Variants in SYT16 observed in about 807,000 individuals in gnomAD.
SYT16 encodes the protein synaptotagmin-16.
A neutral mutation model predicts 61.4 loss-of-function variants in SYT16; 42 were observed. That is an observed-to-expected ratio of 0.68 (90% CI 0.53 to 0.89). The LOEUF is 0.89. Among genes scored for constraint, SYT16 ranks in the 40% least tolerant of loss-of-function variants. SYT16 has a pLI of 0.00. For synonymous variants in SYT16, 314 were observed against 302.3 expected, an observed-to-expected ratio of 1.04 and a Z score of -0.40; for missense variants, 804 against 807.3, an observed-to-expected ratio of 1.00 and a Z score of 0.05.
chr14:61,818,328 T>C (rs981068923), intron 1 of SYT16, among the ~76,000 whole-genome samples: 2 of 152,194 alleles, frequency 1.3e-5, no homozygotes, highest in Non-Finnish European at 2.9e-5. Context: ...CCTCTGTGCA[T>C]ACTTCCCTCC....
chr14:61,874,768 A>ATTT (rs112967075), intron 1 of SYT16, among the ~76,000 whole-genome samples: 4 of 141,760 alleles, frequency 2.8e-5, no homozygotes, highest in African/African-American at 1.0e-4. Context: ...ATGCAGCAAG[A>ATTT]TTTTTTTTTT....
At chr14:61,908,612 G>T (rs530923890) in intron 1 of SYT16, among the ~76,000 whole-genome samples, 1 of 152,180 alleles carries the variant, frequency 6.6e-6, no homozygotes, top group Non-Finnish European at 1.5e-5. Context: ...TCCAAACTGA[G>T]CAGGGATGGA....
chr14:61,854,843 CTT>C lies in SYT16; in HGVS notation c.-325+42043_-325+42044del, dbSNP rs111451924. Among the ~76,000 whole-genome samples the C allele has an allele frequency of 8.4e-4, 124 of 147,506 alleles. 4 individuals are homozygous for C. In the South Asian group the frequency reaches 0.025, roughly 30 times the overall value. On this transcript the variant is annotated intron_variant, in intron 1 of 7. Coordinates refer to ENST00000683842, the MANE Select transcript of SYT16 (RefSeq NM_001367656.1). Reference sequence around the variant, plus strand: ...AAGTTTATAAAAACTGTTGCTTATTCTTTTTTTTTTTCCCACTAGCTTAGCCC... The same window carrying C: ...AAGTTTATAAAAACTGTTGCTTATTCTTTTTTTTTCCCACTAGCTTAGCCC...
At chr14:62,072,745 C>T (rs1291697431) in intron 4 of SYT16, among the ~76,000 whole-genome samples, 1 of 152,144 alleles carries the variant, frequency 6.6e-6, no homozygotes, top group Non-Finnish European at 1.5e-5. Flanking sequence ...ATAAAACTTG[C>T]CATCACAGAT....
chr14:61,967,244 G>A (rs1595041040), intron 1 of SYT16, among the ~76,000 whole-genome samples: 2 of 152,172 alleles, frequency 1.3e-5, no homozygotes, highest in East Asian at 3.8e-4. Context: ...GGAGAATGAT[G>A]AGCGATAAAG....
intron 1 of SYT16, among the ~76,000 whole-genome samples, chr14:61,909,576 A>G (rs1390952737): frequency 6.6e-6 from 1 of 151,990 alleles, no homozygotes; most frequent in African/African-American, 2.4e-5. Flanking sequence ...TGGATTTGGG[A>G]CTCATTGGGA....
chr14:61,979,823 A>G (rs1488704087), intron 2 of SYT16, among the ~76,000 whole-genome samples: 2 of 152,170 alleles, frequency 1.3e-5, no homozygotes, highest in Non-Finnish European at 2.9e-5. Context: ...GAGAGGTTGC[A>G]GTGAGTCGAG....
intron 1 of SYT16, among the ~76,000 whole-genome samples, chr14:61,923,078 C>T (rs1269302065): frequency 2.6e-5 from 4 of 151,528 alleles, no homozygotes; most frequent in Non-Finnish European, 5.9e-5. Context: ...TGAAGTGGAC[C>T]TATTTGTATA....
chr14:61,849,568 C>G (rs1287319728), intron 1 of SYT16, among the ~76,000 whole-genome samples: 1 of 152,120 alleles, frequency 6.6e-6, no homozygotes, highest in African/African-American at 2.4e-5. Flanking sequence ...TGGCTGAGTT[C>G]TGTCTGGTGT....
intron 1 of SYT16, among the ~76,000 whole-genome samples, chr14:61,881,974 C>A (rs962006621): frequency 6.6e-6 from 1 of 152,138 alleles, no homozygotes; most frequent in Non-Finnish European, 1.5e-5. Context: ...TTCCCAAATT[C>A]ATCCTCTTCC....
chr14:61,942,849 A>C (rs1292225000), intron 1 of SYT16, among the ~76,000 whole-genome samples: 1 of 152,190 alleles, frequency 6.6e-6, no homozygotes, highest in Non-Finnish European at 1.5e-5. Context: ...AATATAAATC[A>C]GTTGAAAAAC....
At chr14:61,860,053 G>C (rs1034318396) in intron 1 of SYT16, among the ~76,000 whole-genome samples, 15 of 152,202 alleles carry the variant, frequency 9.9e-5, no homozygotes, top group African/African-American at 3.6e-4. Context: ...CCTCAATTAG[G>C]CTCAATAGTT....
At chr14:61,984,089 C>T (rs1196709916) in intron 2 of SYT16, among the ~76,000 whole-genome samples, 1 of 152,132 alleles carries the variant, frequency 6.6e-6, no homozygotes, top group African/African-American at 2.4e-5. Context: ...GTGAAGCTTT[C>T]AATATTTTAC....
intron 3 of SYT16, among the ~76,000 whole-genome samples, chr14:62,017,405 A>G (rs945254088): frequency 5.9e-5 from 9 of 152,204 alleles, no homozygotes; most frequent in African/African-American, 1.4e-4. Context: ...TGCTTGAATT[A>G]TCCAAGCATA....
intron 1 of SYT16, among the ~76,000 whole-genome samples, chr14:61,850,534 A>G (rs1448882171): frequency 6.6e-6 from 1 of 152,082 alleles, no homozygotes; most frequent in Non-Finnish European, 1.5e-5. Flanking sequence ...TCATTTGCCT[A>G]TTTTTAATGG....
intron 2 of SYT16, among the ~76,000 whole-genome samples, chr14:61,985,246 G>T (rs1281422822): frequency 6.6e-6 from 1 of 152,158 alleles, no homozygotes; most frequent in East Asian, 1.9e-4. Flanking sequence ...TTTGAAGCTT[G>T]TGTAAACAAA....
At chr14:61,860,038 C>A (rs2046917656) in intron 1 of SYT16, among the ~76,000 whole-genome samples, 1 of 152,194 alleles carries the variant, frequency 6.6e-6, no homozygotes, top group Admixed American at 6.5e-5. Flanking sequence ...AAACAGTACC[C>A]TTCTCCTCAA....
rs1430580411 is a variant in SYT16 at position 62,105,971 on chromosome 14, AG to A, written c.*5265del. On this transcript the variant is annotated 3_prime_UTR_variant, in exon 8 of 8. Coordinates refer to ENST00000683842, the MANE Select transcript of SYT16 (RefSeq NM_001367656.1). The stretch of plus-strand genomic sequence containing the variant: ...ATTAAACATGTAGGGAAGGTGAAGG[AG>A]TTAGATGGGAGGTAAGAAGGCTGAG... 2.6e-5 allele frequency: 4 copies of A among 152,136 alleles called. No homozygotes were observed. The highest frequency in any genetic ancestry group is 4.1e-4 in the South Asian group (2 of 4,826). The allele number at this position is 152,136 out of a possible 1,614,324, so 9.4% of individuals were successfully genotyped here.
Position 62,016,539 on chromosome 14 carries a change from CAAAAAA to C in SYT16, c.523+20016_523+20021del, listed in dbSNP as rs10610233. Among the ~76,000 whole-genome samples the C allele has an allele frequency of 8.1e-3, 792 of 97,266 alleles. 4 individuals are homozygous for C. Among genetic ancestry groups the C allele is most frequent in the Middle Eastern group, 0.031 (6 of 194 alleles). 63.8% of individuals were successfully genotyped at this position (97,266 alleles called of 152,430 possible). ...TGAAACCCTGTCTCTTCTAAAAATA[CAAAAAA>C]AAAAAAAAAAAAAAAAAATTAGCCG... is the stretch of plus-strand genomic sequence containing the variant. On this transcript the variant is annotated intron_variant, in intron 3 of 7. Transcript: ENST00000683842.
Sources: allele counts gnomAD v4.1 joint callset (sites outside exome capture counted in the v4.1 genomes callset), GRCh38; gene constraint gnomAD v4.1.1; transcripts MANE v1.5; gene names NCBI Gene and HGNC (gene_info 2026-07-23, HGNC 2026-07-21).